Variants in GPC6 observed in about 807,000 individuals in gnomAD.
GPC6 encodes the protein glypican-6.
In GPC6, 14 loss-of-function variants were observed where a neutral mutation model predicts 55.2. The ratio of observed to expected loss-of-function variants is 0.25; its 90% CI spans 0.17 to 0.40. The LOEUF is 0.40. Ranked by LOEUF, GPC6 falls within the 10% of genes least tolerant of loss-of-function variation. The pLI, the probability that GPC6 is intolerant of heterozygous loss-of-function variation, is 1.00. For synonymous variants in GPC6, 278 were observed against 259.6 expected, an observed-to-expected ratio of 1.07 and a Z score of -0.68; for missense variants, 641 against 708.5, an observed-to-expected ratio of 0.90 and a Z score of 1.08.
intron 1 of GPC6, among the ~76,000 whole-genome samples, chr13:93,481,218 C>T (rs1879510561): frequency 6.6e-6 from 1 of 152,044 alleles, no homozygotes; most frequent in South Asian, 2.1e-4. Context: ...TTTGTAGGAG[C>T]TGATTGTTTG....
Position 93,227,850 on chromosome 13 carries a change from C to T in GPC6, c.160+234C>T, listed in dbSNP as rs960124273. Among the ~76,000 whole-genome samples the T allele has an allele frequency of 1.3e-5, 2 of 152,136 alleles. No homozygotes were observed. Among genetic ancestry groups the T allele is most frequent in the African/African-American group, 2.4e-5 (1 of 41,460 alleles). ...GTGCACACGCGGGAGCACCCTGGCT[C>T]CCGCCTCCCGCTGCTCTCGCGCCCT... On this transcript the variant is annotated intron_variant, in intron 1 of 8. Transcript: ENST00000377047. The surrounding 1 kb of genome is among the most constrained non-coding windows in gnomAD (Gnocchi z 4.3).
At position 94,357,659 on chromosome 13, in the gene GPC6, C is replaced by T. The variant is rs558944134; in HGVS notation, c.1153-24755C>T. On this transcript the variant is annotated intron_variant, in intron 6 of 8. Transcript: ENST00000377047. ...CCACCATGTGTCTATTTTCACTGGT[C>T]CTGAGTTAACCTGTTATGCCCTATC... 3.3e-5 allele frequency among the ~76,000 whole-genome samples: 5 copies of T among 152,304 alleles called. No homozygotes were observed. In the South Asian group the frequency reaches 8.3e-4, roughly 25 times the overall value.
intron 2 of GPC6, among the ~76,000 whole-genome samples, chr13:93,589,104 A>G (rs1252314993): frequency 1.3e-5 from 2 of 152,176 alleles, no homozygotes; most frequent in Admixed American, 6.5e-5. Flanking sequence ...ATAGTTTTAA[A>G]TTTACAGAAA....
At chr13:94,207,885 T>C (rs186284300) in intron 4 of GPC6, among the ~76,000 whole-genome samples, 14 of 152,320 alleles carry the variant, frequency 9.2e-5, no homozygotes, top group Admixed American at 6.5e-4. Context: ...TGCGATTTAC[T>C]TTTGCACCAA....
intron 6 of GPC6, among the ~76,000 whole-genome samples, chr13:94,352,570 C>T (rs943172620): frequency 2.0e-5 from 3 of 151,930 alleles, no homozygotes; most frequent in Non-Finnish European, 4.4e-5. Flanking sequence ...GTCACAATTC[C>T]CCTCTGCTGG....
At chr13:93,570,926 T>G (rs1477043332) in intron 2 of GPC6, among the ~76,000 whole-genome samples, 2 of 152,154 alleles carry the variant, frequency 1.3e-5, no homozygotes, top group Non-Finnish European at 2.9e-5. Flanking sequence ...ATAATTTACT[T>G]ACTCGTAATT....
chr13:93,415,028 C>T (rs1414848302), intron 1 of GPC6, among the ~76,000 whole-genome samples: 1 of 152,134 alleles, frequency 6.6e-6, no homozygotes, highest in Non-Finnish European at 1.5e-5. Flanking sequence ...GGTTGATAGC[C>T]TCCGGGGCTT....
At chr13:94,328,861 C>T (rs1273493551) in intron 6 of GPC6, among the ~76,000 whole-genome samples, 1 of 152,168 alleles carries the variant, frequency 6.6e-6, no homozygotes, top group Non-Finnish European at 1.5e-5. Context: ...CATCACCAAG[C>T]CTTCGTTTGC....
rs1290731417 is a variant in GPC6 at position 93,227,742 on chromosome 13, G to T, written c.160+126G>T. The stretch of plus-strand genomic sequence containing the variant: ...TGCTCACTTTCTGCCACCGCTATGG[G>T]ACTCCGCGTCTCCGTGTTGGGCGGC... On this transcript the variant is annotated intron_variant, in intron 1 of 8. Coordinates refer to ENST00000377047, the MANE Select transcript of GPC6 (RefSeq NM_005708.5). This position sits in a 1 kb window ranked among gnomAD's most constrained non-coding sequence, Gnocchi z 4.3. The T allele has an allele frequency of 3.6e-5, 26 of 715,068 alleles. No individual in the cohort carries two copies. In the Admixed American group the frequency reaches 7.2e-4, roughly 20 times the overall value. 44.3% of individuals were successfully genotyped at this position (715,068 alleles called of 1,614,324 possible). A position where few individuals can be genotyped will look rare whatever the true frequency, so the allele number is the denominator to read the frequency against.
At chr13:93,486,341 A>G (rs1247298687) in intron 1 of GPC6, among the ~76,000 whole-genome samples, 1 of 152,176 alleles carries the variant, frequency 6.6e-6, no homozygotes, top group Non-Finnish European at 1.5e-5. Flanking sequence ...CATGGCCTGC[A>G]GTGGTCAAGG....
At chr13:94,378,590 A>T (rs1880011073) in intron 6 of GPC6, among the ~76,000 whole-genome samples, 1 of 152,162 alleles carries the variant, frequency 6.6e-6, no homozygotes, top group Admixed American at 6.5e-5. Context: ...TACTGACATC[A>T]GAAGTTGCAA....
chr13:93,843,393 A>G (rs1402965862), intron 3 of GPC6, among the ~76,000 whole-genome samples: 1 of 152,148 alleles, frequency 6.6e-6, no homozygotes, highest in Admixed American at 6.6e-5. Context: ...TCCATAACTT[A>G]GAAACAGTTT....
At chr13:93,341,564 A>G (rs1338101079) in intron 1 of GPC6, among the ~76,000 whole-genome samples, 2 of 152,092 alleles carry the variant, frequency 1.3e-5, no homozygotes, top group East Asian at 1.9e-4. Context: ...ATATCTATTC[A>G]TGTCCTTTGC....
intron 1 of GPC6, among the ~76,000 whole-genome samples, chr13:93,402,686 C>T (rs977010270): frequency 6.6e-6 from 1 of 152,152 alleles, no homozygotes; most frequent in Non-Finnish European, 1.5e-5. Flanking sequence ...TACTATTCAA[C>T]TAACAGCCTT....
At chr13:94,286,793 A>G (rs886338135) in intron 5 of GPC6, among the ~76,000 whole-genome samples, 116 of 152,122 alleles carry the variant, frequency 7.6e-4, no homozygotes, top group African/African-American at 2.7e-3. Flanking sequence ...TTTTCTTTTT[A>G]ATGTTTGAAA....
At chr13:93,658,881 G>A (rs977043752) in intron 2 of GPC6, among the ~76,000 whole-genome samples, 17 of 151,748 alleles carry the variant, frequency 1.1e-4, no homozygotes, top group Admixed American at 1.1e-3. Flanking sequence ...AGCATTATAC[G>A]AGACTCATAA....
intron 1 of GPC6, among the ~76,000 whole-genome samples, chr13:93,448,508 T>C (rs1878095215): frequency 6.6e-6 from 1 of 152,200 alleles, no homozygotes; most frequent in Non-Finnish European, 1.5e-5. Context: ...AGGCATAGTG[T>C]AAGTTGAAGT....
At chr13:94,310,516 T>G (rs1315779830) in intron 6 of GPC6, among the ~76,000 whole-genome samples, 1 of 152,190 alleles carries the variant, frequency 6.6e-6, no homozygotes, top group Admixed American at 6.5e-5. Context: ...TCCTTTAAAT[T>G]TGTTTTCCTC....
chr13:93,499,816 C>T (rs117009332), intron 1 of GPC6, among the ~76,000 whole-genome samples: 1 of 152,162 alleles, frequency 6.6e-6, no homozygotes, highest in Non-Finnish European at 1.5e-5. Context: ...TTGACTGTGA[C>T]AGCCACGAGT....
Sources: gnomAD v4.1 joint callset for allele counts (sites outside exome capture counted in the v4.1 genomes callset) on GRCh38, gnomAD v4.1.1 for gene constraint, Gnocchi (gnomAD v3.1) non-coding constraint, MANE v1.5 for transcripts, NCBI Gene and HGNC (gene_info 2026-07-23, HGNC 2026-07-21) for gene names.